DGKD: variants seen among roughly 807,000 people sequenced by gnomAD.
DGKD encodes the protein DAG kinase delta.
In DGKD, 68 loss-of-function variants were observed where a neutral mutation model predicts 154.4. That is an observed-to-expected ratio of 0.44 (90% CI 0.36 to 0.54). The LOEUF is 0.54. DGKD is among the 20% of genes least tolerant of loss of function. The pLI is 0.00. For synonymous variants in DGKD, 693 were observed against 638.0 expected (o/e 1.09, Z -1.30); for missense variants, 1,343 against 1,593.6 (o/e 0.84, Z 2.68).
At chr2:233,366,224 T>A (rs763427678) in intron 1 of DGKD, among the ~76,000 whole-genome samples, 4 of 152,098 alleles carry the variant, frequency 2.6e-5, no homozygotes, top group Non-Finnish European at 5.9e-5. Flanking sequence ...GCTTTAAGAT[T>A]TTAGGAAGGA....
At position 233,438,445 on chromosome 2, in the gene DGKD, TAA is replaced by T. The variant is rs3214826; in HGVS notation, c.1085+76_1085+77del. 2.5e-4 allele frequency: 326 copies of T among 1,278,764 alleles called. 1 individual carries two copies. Among genetic ancestry groups the T allele is most frequent in the African/African-American group, 1.8e-3 (120 of 66,234 alleles). 79.2% of individuals were successfully genotyped at this position (1,278,764 alleles called of 1,614,324 possible). On this transcript the variant is annotated intron_variant, in intron 9 of 29. Coordinates refer to ENST00000264057, the MANE Select transcript of DGKD (RefSeq NM_152879.3). This position sits in a 1 kb window ranked among gnomAD's most constrained non-coding sequence, Gnocchi z 4.1. The stretch of plus-strand genomic sequence containing the variant: ...AATTGTGTAGATAGTGTGTGCTTGT[TAA>T]AAAAAAAAAGTTCAAAGACACAAAG...
At chr2:233,406,394 A>G (rs1278043111) in intron 3 of DGKD, among the ~76,000 whole-genome samples, 1 of 152,192 alleles carries the variant, frequency 6.6e-6, no homozygotes, top group Admixed American at 6.5e-5. Flanking sequence ...TGAACAGGCA[A>G]GGTTTTATTC....
At chr2:233,414,962 T>G (rs1387742702) in intron 3 of DGKD, among the ~76,000 whole-genome samples, 6 of 152,114 alleles carry the variant, frequency 3.9e-5, no homozygotes, top group African/African-American at 7.2e-5. Context: ...TTTGTGTGTG[T>G]GGGTATTTTT....
intron 3 of DGKD, among the ~76,000 whole-genome samples, chr2:233,430,905 G>C (rs1228883416): frequency 6.6e-6 from 1 of 152,188 alleles, no homozygotes; most frequent in African/African-American, 2.4e-5. Flanking sequence ...CTGATGACTA[G>C]AGTGATTAAG....
chr2:233,422,860 C>T (rs1186313634), intron 3 of DGKD, among the ~76,000 whole-genome samples: 1 of 152,220 alleles, frequency 6.6e-6, no homozygotes, highest in African/African-American at 2.4e-5. Flanking sequence ...AACCTCGTTA[C>T]AGTGGAGATG....
chr2:233,464,218 C>G lies in DGKD; in HGVS notation c.3241C>G (p.Arg1081Gly). Residue 1081 changes from arginine to glycine, a missense_variant, in exon 27 of 30, where the codon CGA (arginine) becomes GGA (glycine). Transcript: ENST00000264057. Reference sequence around the variant, plus strand: ...GGGGAGTGCTCTTGCCGAGATGGACCGACAGCTCAGGAGGCTGGCAGACAC... The same window carrying G: ...GGGGAGTGCTCTTGCCGAGATGGACGGACAGCTCAGGAGGCTGGCAGACAC... Reference protein sequence around the residue: ...QLGSALAEMDRQLRRLADTPW... With the variant: ...QLGSALAEMDGQLRRLADTPW... 2 of 1,613,682 alleles carry G rather than the reference C, an allele frequency of 1.2e-6. No homozygotes were observed. Among genetic ancestry groups the G allele is most frequent in the Non-Finnish European group, 1.7e-6 (2 of 1,180,038 alleles).
intron 1 of DGKD, 155 bp from the exon 2 acceptor site, chr2:233,388,102 G>T: frequency 6.8e-7 from 1 of 1,476,228 alleles, no homozygotes; most frequent in Non-Finnish European, 9.0e-7. Context: ...GCAGCGTGCT[G>T]GGCCTGTGCA....
intron 28 of DGKD, among the ~76,000 whole-genome samples, 170 bp from the exon 29 acceptor site, chr2:233,468,253 C>A (rs185548754): frequency 7.7e-6 from 1 of 130,356 alleles, no homozygotes; most frequent in African/African-American, 3.4e-5. Context: ...TCTCGGGTGC[C>A]GGCTGCTGGG....
chr2:233,463,643 C>G (rs1377637329), intron 26 of DGKD, among the ~76,000 whole-genome samples: 4 of 145,704 alleles, frequency 2.7e-5, no homozygotes, highest in African/African-American at 8.0e-5. Context: ...TCTCCTCACT[C>G]CACGCATGTC....
At chr2:233,430,586 G>A (rs1389691277) in intron 3 of DGKD, among the ~76,000 whole-genome samples, 2 of 152,116 alleles carry the variant, frequency 1.3e-5, no homozygotes, top group African/African-American at 2.4e-5. Flanking sequence ...GCAGCCTATG[G>A]GAACCAAGAT....
intron 1 of DGKD, among the ~76,000 whole-genome samples, chr2:233,371,428 A>G (rs973653570): frequency 1.3e-5 from 2 of 151,986 alleles, no homozygotes; most frequent in Non-Finnish European, 2.9e-5. Flanking sequence ...TTTTTTATAT[A>G]TTTTGGGTAC....
At chr2:233,393,677 G>C (rs938023539) in intron 3 of DGKD, among the ~76,000 whole-genome samples, 1 of 142,710 alleles carries the variant, frequency 7.0e-6, no homozygotes, top group Non-Finnish European at 1.5e-5. Flanking sequence ...GTATTTATGT[G>C]TATTGGTTTT....
chr2:233,400,898 T>C (rs773298700), intron 3 of DGKD, among the ~76,000 whole-genome samples: 50 of 152,116 alleles, frequency 3.3e-4, no homozygotes, highest in Admixed American at 3.9e-4. Flanking sequence ...ACTTCCTTTA[T>C]GAGGGAAGTT....
intron 3 of DGKD, among the ~76,000 whole-genome samples, chr2:233,427,540 C>A (rs1265031785): frequency 6.6e-6 from 1 of 152,052 alleles, no homozygotes; most frequent in Admixed American, 6.6e-5. Context: ...TGGAGTTTTA[C>A]CATGTTGGCC....
chr2:233,443,791 G>A (rs1242370972), intron 10 of DGKD, among the ~76,000 whole-genome samples: 1 of 152,216 alleles, frequency 6.6e-6, no homozygotes, highest in Non-Finnish European at 1.5e-5. Flanking sequence ...CAAGTTCACT[G>A]TCACTAGTTA....
At chr2:233,419,150 GGCCACCTTTCCAA>G (rs1031514811) in intron 3 of DGKD, 1 of 903,700 alleles carries the variant, frequency 1.1e-6, no homozygotes, top group African/African-American at 1.8e-5. Flanking sequence ...GCTTATTCTC[GGCCACCTTTCCAA>G]GCGCTGCAGC....
At chr2:233,363,866 G>A (rs1205211222) in intron 1 of DGKD, among the ~76,000 whole-genome samples, 1 of 152,206 alleles carries the variant, frequency 6.6e-6, no homozygotes, top group Non-Finnish European at 1.5e-5. Flanking sequence ...ATACAGATGA[G>A]GTGTGTGCCA....
In DGKD at chr2:233,462,709, C is replaced by T. The variant is rs770333790; in HGVS notation, c.3160C>T (p.Leu1054=). Residue 1054 remains leucine, a synonymous_variant, in exon 26 of 30, where the codon CTG becomes TTG. Coordinates refer to ENST00000264057, the MANE Select transcript of DGKD (RefSeq NM_152879.3). ...CAGAGCTCTGCGCAGTGAGACGGAG[C>T]TGCTGCTGTCTGGGAAGATGGCCCT... ...NFRALRSETE[L]LLSGKMALQL... 14 of 1,613,822 alleles carry T rather than the reference C, an allele frequency of 8.7e-6. No individual in the cohort carries two copies. Among genetic ancestry groups the T allele is most frequent in the African/African-American group, 2.7e-5 (2 of 74,958 alleles).
chr2:233,422,826 G>T, intron 3 of DGKD, among the ~76,000 whole-genome samples: 1 of 152,184 alleles, frequency 6.6e-6, no homozygotes, highest in East Asian at 1.9e-4. Flanking sequence ...CACAACTCCA[G>T]TACAATGTCA....
Sources: gnomAD v4.1 joint callset for allele counts (sites outside exome capture counted in the v4.1 genomes callset) on GRCh38, gnomAD v4.1.1 for gene constraint, Gnocchi (gnomAD v3.1) non-coding constraint, MANE v1.5 for transcripts, NCBI Gene and HGNC (gene_info 2026-07-23, HGNC 2026-07-21) for gene names.